The following RGS6 variants were observed in gnomAD, a reference collection of about 807,000 sequenced individuals.
RGS6 encodes regulator of G protein signaling 6.
In RGS6, 30 loss-of-function variants were observed where a neutral mutation model predicts 78.5. The observed-to-expected ratio is 0.38, with a 90% CI of 0.29 to 0.52. The LOEUF is 0.52. Ranked by LOEUF, RGS6 falls within the 20% of genes least tolerant of loss-of-function variation. The probability of loss-of-function intolerance (pLI) is 0.85; values close to 1 mark genes in which losing one functional copy is unlikely to be tolerated. For synonymous variants in RGS6, 206 were observed against 206.0 expected (o/e 1.00, Z 0.00); for missense variants, 495 against 609.7 (o/e 0.81, Z 1.98).
At chr14:71,892,372 G>A in the RGS6 span, among the ~76,000 whole-genome samples, 1 of 152,210 alleles carries the variant, frequency 6.6e-6, no homozygotes, top group South Asian at 2.1e-4. Flanking sequence ...ATAATCTTCA[G>A]CAAGATGGAT....
At chr14:72,312,958 C>T (rs1475381244) in intron 2 of RGS6, among the ~76,000 whole-genome samples, 1 of 152,190 alleles carries the variant, frequency 6.6e-6, no homozygotes, top group Non-Finnish European at 1.5e-5. Flanking sequence ...ACTTTCCAGA[C>T]ATTTGCAGAA....
intron 2 of RGS6, among the ~76,000 whole-genome samples, chr14:72,056,531 AT>A (rs1256773694): frequency 6.6e-6 from 1 of 152,102 alleles, no homozygotes; most frequent in Non-Finnish European, 1.5e-5. Flanking sequence ...AATGTGTTAT[AT>A]TTTTGTTCTT....
the RGS6 span, among the ~76,000 whole-genome samples, chr14:71,885,642 G>A: frequency 6.6e-6 from 1 of 152,188 alleles, no homozygotes; most frequent in South Asian, 2.1e-4. Flanking sequence ...TAAAGATTGA[G>A]GCTGTTGGAG....
chr14:72,201,527 T>C (rs1246437127), intron 2 of RGS6, among the ~76,000 whole-genome samples: 2 of 152,206 alleles, frequency 1.3e-5, no homozygotes, highest in Non-Finnish European at 2.9e-5. Context: ...GCCTGAGCTG[T>C]TCAGATTGTT....
At chr14:72,324,484 C>T (rs913871825) in intron 2 of RGS6, among the ~76,000 whole-genome samples, 1 of 152,040 alleles carries the variant, frequency 6.6e-6, no homozygotes, top group African/African-American at 2.4e-5. Flanking sequence ...TTAGGTATAT[C>T]TCCTAATGCT....
chr14:72,325,588 C>T (rs945699068), intron 2 of RGS6, among the ~76,000 whole-genome samples: 2 of 152,124 alleles, frequency 1.3e-5, no homozygotes, highest in Non-Finnish European at 2.9e-5. Context: ...CCAGTTTTCC[C>T]AGCACCATCT....
intron 3 of RGS6, among the ~76,000 whole-genome samples, chr14:72,393,879 A>T (rs2090560664): frequency 6.6e-6 from 1 of 152,194 alleles, no homozygotes; most frequent in Non-Finnish European, 1.5e-5. Context: ...AATTACAGGA[A>T]AGCTTTAATC....
intron 2 of RGS6, among the ~76,000 whole-genome samples, chr14:72,063,159 G>T (rs755089688): frequency 6.6e-6 from 1 of 152,144 alleles, no homozygotes; most frequent in Admixed American, 6.5e-5. Context: ...GTACCGAGAG[G>T]AGAAAAGATG....
chr14:72,107,731 G>A (rs4899427), intron 2 of RGS6, among the ~76,000 whole-genome samples: 4,896 of 152,088 alleles, frequency 0.032, 86 homozygotes, highest in Middle Eastern at 0.037. Flanking sequence ...GGGTTTTAAC[G>A]TCTTCTGTAT....
At chr14:72,291,119 C>T (rs769212929) in intron 2 of RGS6, among the ~76,000 whole-genome samples, 19 of 151,718 alleles carry the variant, frequency 1.3e-4, no homozygotes, top group Non-Finnish European at 1.9e-4. Context: ...TCTCAGGCTC[C>T]GATGTTTCAA....
intron 3 of RGS6, among the ~76,000 whole-genome samples, chr14:72,404,029 G>C (rs2092701728): frequency 6.6e-6 from 1 of 152,176 alleles, no homozygotes; most frequent in South Asian, 2.1e-4. Flanking sequence ...GAATATGCTG[G>C]AGAAACACCG....
chr14:72,548,578 CAAT>C (rs2097447407), intron 17 of RGS6, among the ~76,000 whole-genome samples: 1 of 152,044 alleles, frequency 6.6e-6, no homozygotes, highest in Middle Eastern at 3.2e-3. Context: ...TTGCTCTAAG[CAAT>C]ATTAAGTCTT....
chr14:71,893,382 G>T, the RGS6 span, among the ~76,000 whole-genome samples: 1 of 152,184 alleles, frequency 6.6e-6, no homozygotes, highest in Non-Finnish European at 1.5e-5. Context: ...CTAGGATTTT[G>T]ATCTCAAACT....
chr14:72,542,614 C>T (rs990587812), intron 17 of RGS6, among the ~76,000 whole-genome samples: 4 of 152,138 alleles, frequency 2.6e-5, no homozygotes, highest in Admixed American at 6.5e-5. Context: ...GGGCAGCTCA[C>T]GGACCAAAGA....
intron 1 of RGS6, among the ~76,000 whole-genome samples, chr14:71,939,902 A>G (rs968570807): frequency 5.9e-5 from 9 of 152,224 alleles, no homozygotes; most frequent in African/African-American, 2.2e-4. Context: ...AGGTAGAGGC[A>G]TCTCTAATGG....
At chr14:71,939,845 T>C (rs1026434202) in intron 1 of RGS6, among the ~76,000 whole-genome samples, 19 of 152,208 alleles carry the variant, frequency 1.2e-4, no homozygotes, top group Admixed American at 1.2e-3. Flanking sequence ...ACTAATCTCC[T>C]CAGTCCCTCC....
the RGS6 span, among the ~76,000 whole-genome samples, chr14:72,593,957 G>T: frequency 7.1e-6 from 1 of 140,910 alleles, no homozygotes; most frequent in African/African-American, 2.5e-5. Context: ...CAGAGGGGTG[G>T]GGGGGTGGGG....
At chr14:72,429,860 C>A (rs1053316071) in intron 3 of RGS6, among the ~76,000 whole-genome samples, 1 of 152,178 alleles carries the variant, frequency 6.6e-6, no homozygotes, top group Non-Finnish European at 1.5e-5. Flanking sequence ...CGGTTTCCTC[C>A]ATGCTGTTCT....
At chr14:71,870,096 C>G in the RGS6 span, among the ~76,000 whole-genome samples, 2 of 152,204 alleles carry the variant, frequency 1.3e-5, no homozygotes, top group African/African-American at 4.8e-5. Flanking sequence ...CTGTCTAACT[C>G]CAGGCCAAGG....
Sources: allele counts gnomAD v4.1 joint callset (sites outside exome capture counted in the v4.1 genomes callset), GRCh38; gene constraint gnomAD v4.1.1; transcripts MANE v1.5; gene names NCBI Gene and HGNC (gene_info 2026-07-23, HGNC 2026-07-21).